The following PEX14 variants were observed in gnomAD, a reference collection of about 807,000 sequenced individuals.
PEX14 encodes peroxisomal biogenesis factor 14.
PEX14 carries 15 observed loss-of-function variants against 49.5 expected under a neutral mutation model. The ratio of observed to expected loss-of-function variants is 0.30; its 90% CI spans 0.20 to 0.47. The LOEUF (loss-of-function observed/expected upper bound fraction) is 0.47, where lower values mean the gene tolerates loss of function less well. PEX14 is among the 20% of genes least tolerant of loss of function. The pLI is 1.00. For missense variants in PEX14, 398 were observed against 494.8 expected (o/e 0.80, Z 1.86); for synonymous variants, 210 against 212.7 (o/e 0.99, Z 0.11).
intron 2 of PEX14, among the ~76,000 whole-genome samples, chr1:10,524,087 A>G (rs1638389084): frequency 6.6e-6 from 1 of 152,308 alleles, no homozygotes; most frequent in East Asian, 1.9e-4. Context: ...TCCCACAGAT[A>G]AATGGTGCTA....
chr1:10,592,590 G>C (rs768664665), intron 3 of PEX14, among the ~76,000 whole-genome samples: 2 of 152,116 alleles, frequency 1.3e-5, no homozygotes, highest in Non-Finnish European at 2.9e-5. Flanking sequence ...AAATTTTATA[G>C]GAAAGTTTCC....
intron 3 of PEX14, among the ~76,000 whole-genome samples, chr1:10,558,830 A>G (rs1429473341): frequency 6.6e-6 from 1 of 151,908 alleles, no homozygotes; most frequent in Non-Finnish European, 1.5e-5. Context: ...GATGTGGGGT[A>G]TCTTTCAAGT....
At position 10,573,297 on chromosome 1, in the gene PEX14, G is replaced by T. The variant is rs973750847; in HGVS notation, c.170-25941G>T. ...ATAACCTAATTTTTAAAGTGTACAG[G>T]CTTTTTGAAAGTATACAGGCTGGGC... is the stretch of plus-strand genomic sequence containing the variant. On this transcript the variant is annotated intron_variant, in intron 3 of 8. Coordinates refer to ENST00000356607, the MANE Select transcript of PEX14 (RefSeq NM_004565.3). 2.0e-5 allele frequency among the ~76,000 whole-genome samples: 3 copies of T among 152,256 alleles called. No individual in the cohort carries two copies. The East Asian group carries it at 5.8e-4, about 29-fold the overall frequency.
At chr1:10,574,929 G>A (rs1640078187) in intron 3 of PEX14, among the ~76,000 whole-genome samples, 1 of 152,072 alleles carries the variant, frequency 6.6e-6, no homozygotes, top group African/African-American at 2.4e-5. Context: ...GGGCAACATG[G>A]TGAGACCCCC....
intron 4 of PEX14, among the ~76,000 whole-genome samples, chr1:10,604,120 C>T (rs1641062670): frequency 6.6e-6 from 1 of 152,160 alleles, no homozygotes; most frequent in African/African-American, 2.4e-5. Context: ...CTGGTTGCTC[C>T]CGTCTGGTAG....
At chr1:10,576,646 C>T (rs1240377673) in intron 3 of PEX14, among the ~76,000 whole-genome samples, 1 of 151,550 alleles carries the variant, frequency 6.6e-6, no homozygotes, top group Non-Finnish European at 1.5e-5. Flanking sequence ...AGTATGCTTC[C>T]TCTATTATAA....
At chr1:10,532,848 G>A (rs757560521) in intron 2 of PEX14, among the ~76,000 whole-genome samples, 33 of 152,318 alleles carry the variant, frequency 2.2e-4, no homozygotes, top group Non-Finnish European at 4.3e-4. Context: ...AGGAAAGTCA[G>A]TTGAATTGCT....
At chr1:10,615,842 C>A (rs1489689732) in intron 4 of PEX14, among the ~76,000 whole-genome samples, 2 of 152,182 alleles carry the variant, frequency 1.3e-5, no homozygotes, top group African/African-American at 4.8e-5. Context: ...TCCTGTGCCA[C>A]CTTAGGTGTG....
intron 3 of PEX14, among the ~76,000 whole-genome samples, chr1:10,567,010 A>G (rs1300287302): frequency 6.6e-6 from 1 of 152,208 alleles, no homozygotes; most frequent in African/African-American, 2.4e-5. Flanking sequence ...TGCAATTTGT[A>G]TGGTCTCTGA....
chr1:10,504,049 T>C (rs1641735330), intron 2 of PEX14, among the ~76,000 whole-genome samples: 1 of 152,150 alleles, frequency 6.6e-6, no homozygotes, highest in South Asian at 2.1e-4. Flanking sequence ...TCCAGGATAA[T>C]TGTAATTTAA....
At chr1:10,622,550 G>A (rs1641625714) in intron 5 of PEX14, among the ~76,000 whole-genome samples, 2 of 152,186 alleles carry the variant, frequency 1.3e-5, no homozygotes, top group Admixed American at 1.3e-4. Flanking sequence ...CTGAATAGGT[G>A]ATTCACTCAC....
rs368975418 is a variant in PEX14 at position 10,516,684 on chromosome 1, A to T, written c.85-19529A>T. Among the ~76,000 whole-genome samples, 154 of 152,358 alleles carry T rather than the reference A, an allele frequency of 1.0e-3. 1 individual carries two copies. The highest frequency in any genetic ancestry group is 3.4e-3 in the Middle Eastern group (1 of 294). ...CCAGCTTCTAGCTACTTGCAGGAGA[A>T]TAGCTATGGGTTGACTTGGCATCTG... is the stretch of plus-strand genomic sequence containing the variant. On this transcript the variant is annotated intron_variant, in intron 2 of 8. Transcript: ENST00000356607.
intron 3 of PEX14, among the ~76,000 whole-genome samples, chr1:10,565,975 C>T (rs1410287050): frequency 6.6e-6 from 1 of 152,212 alleles, no homozygotes; most frequent in Non-Finnish European, 1.5e-5. Context: ...ATTTACATGT[C>T]TGTCTATTTA....
chr1:10,581,601 G>A (rs1006975276), intron 3 of PEX14, among the ~76,000 whole-genome samples: 1 of 151,714 alleles, frequency 6.6e-6, no homozygotes, highest in Non-Finnish European at 1.5e-5. Context: ...ACCGTGCCTG[G>A]CTAATCCTTG....
chr1:10,590,210 GAACCGTGAGCCTGCAAACAA>G (rs555295964), intron 3 of PEX14, among the ~76,000 whole-genome samples: 5 of 152,246 alleles, frequency 3.3e-5, no homozygotes, highest in East Asian at 3.9e-4. Context: ...CCTGCAAACA[GAACCGTGAGCCTGCAAACAA>G]AACCGTGAGC....
At position 10,629,893 on chromosome 1, in the gene PEX14, G is replaced by A; in HGVS notation, c.1040G>A (p.Arg347Lys). The change falls in exon 9 of 9, where the codon AGG becomes AAG. Residue 347 changes from arginine (R) to lysine (K), a missense_variant. Transcript: ENST00000356607. The surrounding 1 kb of genome is among the most constrained non-coding windows in gnomAD (Gnocchi z 8.5). ...GAGGAGGACTGCCTGGGGGTGCAGA[G>A]GGAGGACCGCCGGGGCGGGGATGGG... Reference protein sequence around the residue: ...VDEEDCLGVQREDRRGGDGQI... With the variant: ...VDEEDCLGVQKEDRRGGDGQI... 6.2e-7 allele frequency: 1 copy of A among 1,613,586 alleles called. No individual in the cohort carries two copies.
At chr1:10,557,558 G>T (rs1265078408) in intron 3 of PEX14, among the ~76,000 whole-genome samples, 2 of 152,204 alleles carry the variant, frequency 1.3e-5, no homozygotes, top group African/African-American at 4.8e-5. Flanking sequence ...TGCACTTCAG[G>T]CTGGGCAACA....
chr1:10,574,235 T>G (rs952406787), intron 3 of PEX14, among the ~76,000 whole-genome samples: 7 of 152,222 alleles, frequency 4.6e-5, no homozygotes, highest in Admixed American at 4.6e-4. Context: ...TCAATGGGTC[T>G]GCATGAATGA....
intron 4 of PEX14, among the ~76,000 whole-genome samples, chr1:10,600,951 A>G (rs1640965996): frequency 6.7e-6 from 1 of 149,450 alleles, no homozygotes. Context: ...GGGCAACAAG[A>G]GCAAAACTCC....
Sources: gnomAD v4.1 joint callset for allele counts (sites outside exome capture counted in the v4.1 genomes callset) on GRCh38, gnomAD v4.1.1 for gene constraint, Gnocchi (gnomAD v3.1) non-coding constraint, MANE v1.5 for transcripts, NCBI Gene and HGNC (gene_info 2026-07-23, HGNC 2026-07-21) for gene names.